The following RABGEF1 variants were observed in gnomAD, a reference collection of about 807,000 sequenced individuals.
RABGEF1 encodes the protein rab5 GDP/GTP exchange factor.
A neutral mutation model predicts 57.3 loss-of-function variants in RABGEF1; 26 were observed. The observed-to-expected ratio is 0.45, with a 90% CI of 0.33 to 0.63. RABGEF1 has a LOEUF of 0.63. RABGEF1 is among the 20% of genes least tolerant of loss of function. RABGEF1 has a pLI of 0.02. For missense variants in RABGEF1, 464 were observed against 607.6 expected (o/e 0.76, Z 2.48); for synonymous variants, 185 against 210.7 (o/e 0.88, Z 1.06).
chr7:66,748,616 A>G (rs1800762042), intron 1 of RABGEF1, among the ~76,000 whole-genome samples: 1 of 152,222 alleles, frequency 6.6e-6, no homozygotes, highest in South Asian at 2.1e-4. Flanking sequence ...CATAACGGCT[A>G]GTTCAAGGGT....
At chr7:66,763,595 A>C (rs190685787) in intron 1 of RABGEF1, among the ~76,000 whole-genome samples, 14 of 152,334 alleles carry the variant, frequency 9.2e-5, no homozygotes, top group Non-Finnish European at 1.9e-4. Context: ...CCATTACCAC[A>C]GCCAACTTTA....
rs115782800 is a variant in RABGEF1 at position 66,783,113 on chromosome 7, G to A, written c.347-562G>A. Among the ~76,000 whole-genome samples, 352 of 152,344 alleles carry A rather than the reference G, an allele frequency of 2.3e-3. 2 individuals are homozygous for A. Among genetic ancestry groups the A allele is most frequent in the African/African-American group, 7.8e-3 (324 of 41,574 alleles). The stretch of plus-strand genomic sequence containing the variant: ...TTGTATGCTTTGTTGTGTTTATCAT[G>A]CTATTAATACTTTGGATGCGTTCTT... On this transcript the variant is annotated intron_variant, in intron 3 of 8. Transcript: ENST00000284957.
chr7:66,699,261 T>G (rs983817499), intron 1 of RABGEF1, among the ~76,000 whole-genome samples: 1 of 152,232 alleles, frequency 6.6e-6, no homozygotes, highest in Non-Finnish European at 1.5e-5. Context: ...GCATACATTC[T>G]TCTTTTTCTG....
chr7:66,708,916 A>G (rs558396683), intron 1 of RABGEF1, among the ~76,000 whole-genome samples: 2 of 152,256 alleles, frequency 1.3e-5, no homozygotes, highest in African/African-American at 2.4e-5. Context: ...GGGATAGGGA[A>G]AAAAAGAAAT....
intron 2 of RABGEF1, among the ~76,000 whole-genome samples, chr7:66,713,842 T>C (rs1164228620): frequency 6.6e-6 from 1 of 152,218 alleles, no homozygotes; most frequent in Admixed American, 6.5e-5. Context: ...TGTTGGTATG[T>C]TTTTCTTCTG....
At chr7:66,798,503 G>T (rs1786545926) in intron 6 of RABGEF1, among the ~76,000 whole-genome samples, 1 of 152,214 alleles carries the variant, frequency 6.6e-6, no homozygotes, top group Admixed American at 6.5e-5. Flanking sequence ...GAAGTAACTA[G>T]AGGGGCCCTG....
At chr7:66,738,014 G>GTT (rs759479602), upstream of RABGEF1, among the ~76,000 whole-genome samples, 6 of 139,902 alleles carry the variant, frequency 4.3e-5, no homozygotes, top group South Asian at 2.4e-4. Context: ...TGTGTTTTTT[G>GTT]TTTTTTTTGT....
the RABGEF1 span, among the ~76,000 whole-genome samples, chr7:66,675,599 A>C: frequency 2.3e-4 from 35 of 152,326 alleles, no homozygotes; most frequent in African/African-American, 8.2e-4. Context: ...ACAATTCAGC[A>C]AGACAAATTT....
chr7:66,795,717 A>T (rs1813871115), intron 5 of RABGEF1, 125 bp downstream of exon 5: 1 of 862,892 alleles, frequency 1.2e-6, no homozygotes, highest in Non-Finnish European at 1.9e-6. Flanking sequence ...AACCTCATGG[A>T]CATTCTGGGA....
At chr7:66,722,926 G>A (rs1041161206) in intron 2 of RABGEF1, among the ~76,000 whole-genome samples, 4 of 152,032 alleles carry the variant, frequency 2.6e-5, no homozygotes, top group African/African-American at 9.7e-5. Context: ...AACACAGCAT[G>A]TCTTTCCATT....
At chr7:66,763,314 T>C (rs1216010300) in intron 1 of RABGEF1, among the ~76,000 whole-genome samples, 1 of 152,230 alleles carries the variant, frequency 6.6e-6, no homozygotes, top group East Asian at 1.9e-4. Flanking sequence ...TCCTTCCAGA[T>C]GCACTCGTGT....
At chr7:66,775,415 T>C in intron 3 of RABGEF1, 22 bp downstream of exon 3, 1 of 1,610,346 alleles carries the variant, frequency 6.2e-7, no homozygotes, top group Non-Finnish European at 8.5e-7. Context: ...ATACTCTTTT[T>C]TTTCTTCTCT....
intron 1 of RABGEF1, among the ~76,000 whole-genome samples, chr7:66,687,415 C>T (rs1462615652): frequency 4.0e-5 from 6 of 150,256 alleles, no homozygotes; most frequent in Non-Finnish European, 8.9e-5. Context: ...CATGAGCCAC[C>T]GCGCCCAGCC....
chr7:66,807,566 G>T (rs1788713483), intron 8 of RABGEF1, among the ~76,000 whole-genome samples: 1 of 152,134 alleles, frequency 6.6e-6, no homozygotes, highest in African/African-American at 2.4e-5. Context: ...TGCAGCTCTG[G>T]GTCACCTGTC....
intron 4 of RABGEF1, among the ~76,000 whole-genome samples, chr7:66,787,390 C>A (rs1811463490): frequency 7.3e-6 from 1 of 137,202 alleles, no homozygotes; most frequent in Non-Finnish European, 1.5e-5. Flanking sequence ...GTTGCCCAGG[C>A]TGTAGTGCAG....
At chr7:66,660,370 A>G in the RABGEF1 span, among the ~76,000 whole-genome samples, 23 of 151,906 alleles carry the variant, frequency 1.5e-4, no homozygotes, top group African/African-American at 5.1e-4. Context: ...AAGAAAGAAA[A>G]AAGAAAATGA....
chr7:66,699,865 A>T (rs1792963612), intron 1 of RABGEF1, among the ~76,000 whole-genome samples: 1 of 152,196 alleles, frequency 6.6e-6, no homozygotes, highest in Non-Finnish European at 1.5e-5. Context: ...AAATAAAATA[A>T]AAATAAAATG....
Position 66,727,961 on chromosome 7 carries a change from C to T in RABGEF1, c.-814-12035C>T, listed in dbSNP as rs145986239. 1.7e-3 allele frequency among the ~76,000 whole-genome samples: 258 copies of T among 152,328 alleles called. 7 individuals are homozygous for T. The East Asian group carries it at 0.045, about 26-fold the overall frequency. On this transcript the variant is annotated intron_variant and NMD_transcript_variant, in intron 2 of 9. Transcript: ENST00000607882. The stretch of plus-strand genomic sequence containing the variant: ...AACACCCTTGCCTCAGGCGTCTCCA[C>T]CAACCTCATCCTCCCCTCTCCTGAC...
At chr7:66,663,212 A>T in the RABGEF1 span, among the ~76,000 whole-genome samples, 1 of 152,370 alleles carries the variant, frequency 6.6e-6, no homozygotes, top group East Asian at 1.9e-4. Flanking sequence ...TTAGTTGAAT[A>T]TCTCTAGAAA....
Sources: allele counts gnomAD v4.1 joint callset (sites outside exome capture counted in the v4.1 genomes callset), GRCh38; gene constraint gnomAD v4.1.1; transcripts MANE v1.5; gene names NCBI Gene and HGNC (gene_info 2026-07-23, HGNC 2026-07-21).